Variants in INSR observed in about 807,000 individuals in gnomAD.
INSR encodes the protein IR.
INSR carries 67 observed loss-of-function variants against 142.6 expected under a neutral mutation model. That is an observed-to-expected ratio of 0.47 (90% confidence interval 0.39 to 0.58). The LOEUF (loss-of-function observed/expected upper bound fraction) is 0.58. Ranked by LOEUF, INSR falls within the 20% of genes least tolerant of loss-of-function variation. The pLI, the probability that INSR is intolerant of heterozygous loss-of-function variation, is 0.00. For missense variants in INSR, 1,248 were observed against 1,833.2 expected, an observed-to-expected ratio of 0.68 and a Z score of 5.83; for synonymous variants, 756 against 743.1, an observed-to-expected ratio of 1.02 and a Z score of -0.28.
chr19:7,139,821 C>CTTTTTTTT (rs10673049), intron 13 of INSR, among the ~76,000 whole-genome samples: 14 of 115,718 alleles, frequency 1.2e-4, no homozygotes, highest in Non-Finnish European at 1.7e-4. Context: ...GTTGCGTATT[C>CTTTTTTTT]TTTTTTTTTT....
intron 1 of INSR, among the ~76,000 whole-genome samples, chr19:7,291,487 A>G (rs1258973091): frequency 6.6e-6 from 1 of 152,206 alleles, no homozygotes. Context: ...TAAGATGATA[A>G]AGGAGCCCAG....
chr19:7,119,307 G>T lies in INSR; in HGVS notation c.3794+142C>A. On this transcript the variant is annotated intron_variant, in intron 21 of 21. Transcript: ENST00000302850. This position sits in a 1 kb window ranked among gnomAD's most constrained non-coding sequence, Gnocchi z 5.2. ...AAGCATGCATGTAAAGACAAGCTATGCAAACACAAACACACCTGTAACATA... is the reference window on the plus strand; with the variant it reads ...AAGCATGCATGTAAAGACAAGCTATTCAAACACAAACACACCTGTAACATA... 1 of 963,680 alleles carries T rather than the reference G, an allele frequency of 1.0e-6. No homozygotes were observed. The highest frequency in any genetic ancestry group is 1.7e-6 in the Non-Finnish European group (1 of 601,692). 59.7% of individuals were successfully genotyped at this position (963,680 alleles called of 1,614,324 possible). A position where few individuals can be genotyped will look rare whatever the true frequency, so the allele number is the denominator to read the frequency against.
Position 7,170,784 on chromosome 19 carries a change from A to G in INSR, c.1269-33T>C, listed in dbSNP as rs765633033. The stretch of plus-strand genomic sequence containing the variant: ...AAAAACACACACATCTAGTCATTCA[A>G]CGGCTGGTCTTCTACAACTCCAAGA... On this transcript the variant is annotated intron_variant, in intron 5 of 21. Coordinates refer to ENST00000302850, the MANE Select transcript of INSR (RefSeq NM_000208.4). 17 of 1,532,030 alleles carry G rather than the reference A, an allele frequency of 1.1e-5. No individual in the cohort carries two copies. In the Admixed American group the frequency reaches 2.8e-4, roughly 26 times the overall value. 94.9% of individuals were successfully genotyped at this position (1,532,030 alleles called of 1,614,324 possible).
chr19:7,223,824 C>T (rs377051755), intron 2 of INSR, among the ~76,000 whole-genome samples: 2 of 152,100 alleles, frequency 1.3e-5, no homozygotes, highest in African/African-American at 4.8e-5. Context: ...AGCTGGTGCT[C>T]AGTAGTGACT....
intron 2 of INSR, among the ~76,000 whole-genome samples, chr19:7,196,945 GT>G (rs1424453310): frequency 6.6e-6 from 1 of 152,094 alleles, no homozygotes; most frequent in African/African-American, 2.4e-5. Flanking sequence ...AATTTATTTT[GT>G]TTCCATTCAA....
chr19:7,143,202 G>T, intron 11 of INSR, 112 bp from the exon 12 acceptor site: 1 of 1,185,098 alleles, frequency 8.4e-7, no homozygotes, highest in East Asian at 2.4e-5. Flanking sequence ...GCGCAGGAGG[G>T]TGCAGCAATG....
chr19:7,182,747 AG>A (rs1373418965), intron 3 of INSR, among the ~76,000 whole-genome samples: 3 of 152,096 alleles, frequency 2.0e-5, no homozygotes, highest in African/African-American at 7.2e-5. Context: ...GCCATTGTTA[AG>A]GTGAGGGAAA....
At chr19:7,164,654 C>CAAAA (rs539037803) in intron 8 of INSR, among the ~76,000 whole-genome samples, 5 of 76,082 alleles carry the variant, frequency 6.6e-5, no homozygotes, top group African/African-American at 1.6e-4. Flanking sequence ...CTTGTCTCTA[C>CAAAA]AAAAAAAAAA....
intron 2 of INSR, among the ~76,000 whole-genome samples, chr19:7,256,677 G>C (rs1976903112): frequency 6.6e-6 from 1 of 151,812 alleles, no homozygotes; most frequent in African/African-American, 2.4e-5. Context: ...AGTAAGCCAA[G>C]ATTGCGCCAC....
intron 2 of INSR, among the ~76,000 whole-genome samples, chr19:7,188,063 G>A (rs1027226124): frequency 6.6e-6 from 1 of 151,966 alleles, no homozygotes; most frequent in African/African-American, 2.4e-5. Flanking sequence ...CCCTACCTTA[G>A]GACCTTGCAC....
intron 13 of INSR, among the ~76,000 whole-genome samples, chr19:7,135,090 T>A (rs1198906117): frequency 4.6e-4 from 36 of 78,422 alleles, no homozygotes; most frequent in African/African-American, 6.2e-4. Context: ...AAAGAAATGT[T>A]AAAAAAAAAA....
rs2144785074 is a variant in INSR at position 7,115,525 on chromosome 19, G to A, written c.*1531C>T. 6.6e-6 allele frequency: 1 copy of A among 152,338 alleles called. No individual in the cohort carries two copies. Among genetic ancestry groups the A allele is most frequent in the African/African-American group, 2.4e-5 (1 of 41,560 alleles). The allele number at this position is 152,338 out of a possible 1,614,324, so 9.4% of individuals were successfully genotyped here. A position where few individuals can be genotyped will look rare whatever the true frequency, so the allele number is the denominator to read the frequency against. On this transcript the variant is annotated 3_prime_UTR_variant, in exon 22 of 22. Coordinates refer to ENST00000302850, the MANE Select transcript of INSR (RefSeq NM_000208.4). ...GACCGTCAGATGCTCTCAGGGTGGAGGGGACCAAGACGTACTCTCAGTGCA... is the reference window on the plus strand; with the variant it reads ...GACCGTCAGATGCTCTCAGGGTGGAAGGGACCAAGACGTACTCTCAGTGCA...
intron 4 of INSR, among the ~76,000 whole-genome samples, chr19:7,173,555 C>T (rs553540025): frequency 2.6e-4 from 39 of 151,068 alleles, no homozygotes; most frequent in African/African-American, 9.2e-4. Context: ...CTCAAGTGAT[C>T]CGCCCACCTC....
At chr19:7,151,236 C>T (rs897948620) in intron 10 of INSR, among the ~76,000 whole-genome samples, 6 of 146,196 alleles carry the variant, frequency 4.1e-5, no homozygotes, top group Non-Finnish European at 9.0e-5. Flanking sequence ...CTTCCTTCCT[C>T]TTTCCCTCCC....
At chr19:7,207,070 G>A (rs1432509601) in intron 2 of INSR, among the ~76,000 whole-genome samples, 2 of 152,096 alleles carry the variant, frequency 1.3e-5, no homozygotes, top group Non-Finnish European at 2.9e-5. Context: ...ATAGAATGCC[G>A]AGAATGATTG....
intron 9 of INSR, among the ~76,000 whole-genome samples, chr19:7,155,470 G>A (rs910124435): frequency 1.3e-5 from 2 of 150,614 alleles, no homozygotes; most frequent in African/African-American, 2.4e-5. Flanking sequence ...CCTGGAAGGC[G>A]GAGGTTGCAT....
chr19:7,118,776 G>A (rs545129373), intron 21 of INSR, among the ~76,000 whole-genome samples: 37 of 150,318 alleles, frequency 2.5e-4, no homozygotes, highest in African/African-American at 8.1e-4. Flanking sequence ...TTAGCCAGGC[G>A]CGGTGGTGGG....
chr19:7,283,863 C>T (rs1048087808), intron 1 of INSR, among the ~76,000 whole-genome samples: 5 of 152,218 alleles, frequency 3.3e-5, no homozygotes, highest in South Asian at 2.1e-4. Flanking sequence ...TAAGTACCTG[C>T]GAACTTCTGG....
intron 1 of INSR, among the ~76,000 whole-genome samples, chr19:7,274,253 G>A (rs371338299): frequency 9.2e-5 from 14 of 151,840 alleles, no homozygotes; most frequent in South Asian, 2.1e-4. Flanking sequence ...GACAGGATTC[G>A]AGCTCCTATC....
Sources: allele counts gnomAD v4.1 joint callset (sites outside exome capture counted in the v4.1 genomes callset), GRCh38; gene constraint gnomAD v4.1.1; non-coding constraint Gnocchi (gnomAD v3.1); transcripts MANE v1.5; gene names NCBI Gene and HGNC (gene_info 2026-07-23, HGNC 2026-07-21).